HNRNPUL1: variants seen among roughly 807,000 people sequenced by gnomAD.
HNRNPUL1 encodes the protein heterogeneous nuclear ribonucleoprotein U-like protein 1.
A neutral mutation model predicts 108.5 loss-of-function variants in HNRNPUL1; 14 were observed. The observed-to-expected ratio is 0.13, with a 90% CI of 0.09 to 0.20. The LOEUF (loss-of-function observed/expected upper bound fraction) is 0.20. Among genes scored for constraint, HNRNPUL1 ranks in the 10% least tolerant of loss-of-function variants. HNRNPUL1 has a pLI of 1.00. For synonymous variants in HNRNPUL1, 422 were observed against 445.2 expected, an observed-to-expected ratio of 0.95 and a Z score of 0.66; for missense variants, 804 against 1,168.3, an observed-to-expected ratio of 0.69 and a Z score of 4.55.
At chr19:41,287,967 G>A (rs2036342096) in intron 7 of HNRNPUL1, among the ~76,000 whole-genome samples, 2 of 151,954 alleles carry the variant, frequency 1.3e-5, no homozygotes, top group Non-Finnish European at 1.5e-5. Context: ...AGTAAATCTT[G>A]GCCATCTTTC....
At chr19:41,288,191 C>T (rs1328968211) in intron 7 of HNRNPUL1, among the ~76,000 whole-genome samples, 7 of 123,298 alleles carry the variant, frequency 5.7e-5, no homozygotes, top group African/African-American at 2.1e-4. Flanking sequence ...CACTGGTACT[C>T]GGGGTTTCAT....
At chr19:41,304,305 G>C in intron 13 of HNRNPUL1, 44 bp downstream of exon 13, 1 of 1,544,074 alleles carries the variant, frequency 6.5e-7, no homozygotes. Flanking sequence ...TCGCACGTGT[G>C]CTTTTGAACC....
chr19:41,302,456 T>A, intron 11 of HNRNPUL1: 1 of 646,286 alleles, frequency 1.5e-6, no homozygotes, highest in Non-Finnish European at 2.8e-6. Flanking sequence ...TGACCTCAGG[T>A]GATCCACCCG....
intron 2 of HNRNPUL1, among the ~76,000 whole-genome samples, chr19:41,269,929 A>G (rs2035113454): frequency 6.6e-6 from 1 of 151,726 alleles, no homozygotes; most frequent in African/African-American, 2.4e-5. Flanking sequence ...CCCTGTCTCT[A>G]TAAAAAATAA....
chr19:41,264,036 C>T (rs548198476), upstream of HNRNPUL1, among the ~76,000 whole-genome samples: 24 of 152,312 alleles, frequency 1.6e-4, no homozygotes, highest in Non-Finnish European at 1.5e-5. Context: ...CAGGAAAGGC[C>T]GTGGGACACT....
intron 1 of HNRNPUL1, chr19:41,265,204 C>G (rs1301154298): frequency 6.7e-7 from 1 of 1,503,452 alleles, no homozygotes; most frequent in East Asian, 2.6e-5. Flanking sequence ...CGTGCTAGCC[C>G]AGCGTGTGGG....
Position 41,268,296 on chromosome 19 carries a change from C to T in HNRNPUL1, c.369C>T (p.Gly123=), listed in dbSNP as rs769370985. The T allele has an allele frequency of 2.7e-5, 43 of 1,613,914 alleles. No individual in the cohort carries two copies. The highest frequency in any genetic ancestry group is 1.5e-5 in the Non-Finnish European group (18 of 1,179,968). ...TQVIKQENES[G]YERRPLEMEQ... is the part of the protein sequence containing the mutation. Reference sequence around the variant, plus strand: ...TCATCAAACAAGAAAACGAGTCAGGCTACGAGAGGAGACCACTGGAAATGG... The same window carrying T: ...TCATCAAACAAGAAAACGAGTCAGGTTACGAGAGGAGACCACTGGAAATGG... The change falls in exon 2 of 15, where the codon GGC becomes GGT. Residue 123 remains glycine, a synonymous_variant. Transcript: ENST00000392006.
chr19:41,303,508 C>A (rs955656777), intron 12 of HNRNPUL1, among the ~76,000 whole-genome samples: 8 of 152,142 alleles, frequency 5.3e-5, no homozygotes, highest in Non-Finnish European at 5.9e-5. Flanking sequence ...GCAAGCACCA[C>A]CACGCCCGGC....
Position 41,304,128 on chromosome 19 carries a change from A to AGCCACC in HNRNPUL1, c.2136_2141dup (p.Pro714_Pro715dup). ...CCGCCACCACAGCCACCACCCCAGCAGCCACCGCCACCACCCAGCTACAGC... is the reference window on the plus strand; with the variant it reads ...CCGCCACCACAGCCACCACCCCAGCAGCCACCGCCACCGCCACCACCCAGCTACAGC... On this transcript the variant is annotated inframe_insertion, in exon 13 of 15. Transcript: ENST00000392006. 2 of 1,614,002 alleles carry AGCCACC rather than the reference A, an allele frequency of 1.2e-6. No individual in the cohort carries two copies. The highest frequency in any genetic ancestry group is 1.1e-5 in the South Asian group (1 of 91,068).
intron 7 of HNRNPUL1, among the ~76,000 whole-genome samples, chr19:41,281,627 G>T (rs1218710401): frequency 6.6e-6 from 1 of 152,072 alleles, no homozygotes; most frequent in Non-Finnish European, 1.5e-5. Context: ...TGAAGGCAGT[G>T]GTATTGGCTC....
chr19:41,289,463 A>G (rs542634770), intron 7 of HNRNPUL1, among the ~76,000 whole-genome samples: 7 of 152,360 alleles, frequency 4.6e-5, no homozygotes, highest in East Asian at 3.9e-4. Context: ...ACACCAGGCT[A>G]TAAAAATGGC....
intron 5 of HNRNPUL1, 128 bp from the exon 6 acceptor site, chr19:41,278,949 A>C (rs183876947): frequency 1.4e-6 from 1 of 722,724 alleles, no homozygotes; most frequent in East Asian, 2.5e-5. Context: ...GAGCTGCTTA[A>C]ACGCTTCTTC....
At chr19:41,295,459 C>T (rs2036837328) in intron 10 of HNRNPUL1, among the ~76,000 whole-genome samples, 2 of 152,236 alleles carry the variant, frequency 1.3e-5, no homozygotes, top group Admixed American at 6.5e-5. Context: ...TTACAGATTC[C>T]TGTCTCAGAG....
In HNRNPUL1 at chr19:41,302,853, T is replaced by C. The variant is rs1193451143; in HGVS notation, c.1876T>C (p.Phe626Leu). The C allele has an allele frequency of 1.3e-6, 2 of 1,582,046 alleles. No individual in the cohort carries two copies. The highest frequency in any genetic ancestry group is 2.2e-5 in the East Asian group (1 of 44,622). The change falls in exon 12 of 15, where the codon TTC becomes CTC. Residue 626 changes from phenylalanine (F) to leucine (L), a missense_variant. Phe to Leu is a conservative substitution (Grantham distance 22). This residue lies in a region of HNRNPUL1 where 294 missense variants were observed against 388.3 expected (regional missense o/e 0.76). Transcript: ENST00000392006. ...GFRGRGGGGG[F>L]QRYENRGPPG... Reference sequence around the variant, plus strand: ...CCGGGGCCGCGGGGGTGGTGGTGGCTTCCAGCGCTATGAAAACCGAGGACC... The same window carrying C: ...CCGGGGCCGCGGGGGTGGTGGTGGCCTCCAGCGCTATGAAAACCGAGGACC...
intron 2 of HNRNPUL1, among the ~76,000 whole-genome samples, chr19:41,270,740 C>T (rs1332530903): frequency 6.6e-6 from 1 of 151,718 alleles, no homozygotes; most frequent in Non-Finnish European, 1.5e-5. Context: ...GGACTACGGG[C>T]GTGCCACCAC....
In HNRNPUL1 at chr19:41,306,553, A is replaced by G; in HGVS notation, c.2559A>G (p.Thr853=). ...GSYSGNTQGG[T]STQ Reference sequence around the variant, plus strand: ...ACTCCGGGAACACACAGGGTGGCACAAGTACACAGTAGCCAGTGTGACCCA... The same window carrying G: ...ACTCCGGGAACACACAGGGTGGCACGAGTACACAGTAGCCAGTGTGACCCA... Residue 853 remains threonine (T), a synonymous_variant, in exon 15 of 15, where the codon ACA becomes ACG. Transcript: ENST00000392006. The G allele has an allele frequency of 6.3e-7, 1 of 1,591,332 alleles. No homozygotes were observed.
intron 12 of HNRNPUL1, among the ~76,000 whole-genome samples, 153 bp downstream of exon 12, chr19:41,303,102 T>C (rs922622220): frequency 5.9e-5 from 9 of 152,174 alleles, no homozygotes; most frequent in Non-Finnish European, 1.2e-4. Context: ...CACGGAGACC[T>C]CAGAAACGCT....
intron 2 of HNRNPUL1, among the ~76,000 whole-genome samples, chr19:41,271,669 A>G (rs1475926968): frequency 6.6e-6 from 1 of 152,100 alleles, no homozygotes; most frequent in Non-Finnish European, 1.5e-5. Context: ...GTATGACTTA[A>G]AGAGGTTATT....
intron 2 of HNRNPUL1, among the ~76,000 whole-genome samples, chr19:41,269,479 C>CAA (rs2035074854): frequency 1.7e-5 from 1 of 57,732 alleles, no homozygotes. Context: ...GACCCTGTCA[C>CAA]GAAAAAAAAA....
Sources: gnomAD v4.1 joint callset for allele counts (sites outside exome capture counted in the v4.1 genomes callset) on GRCh38, gnomAD v4.1.1 for gene constraint, gnomAD v4.1.1 regional missense constraint, MANE v1.5 for transcripts, NCBI Gene and HGNC (gene_info 2026-07-23, HGNC 2026-07-21) for gene names.